The following ZC3H12B variants were observed in gnomAD, a reference collection of about 807,000 sequenced individuals.
ZC3H12B encodes zinc finger CCCH-type containing 12B, also known as probable ribonuclease ZC3H12B.
In ZC3H12B, 7 loss-of-function variants were observed where a neutral mutation model predicts 43.9. The observed-to-expected ratio is 0.16, with a 90% confidence interval of 0.09 to 0.30. ZC3H12B has a LOEUF of 0.30. Among genes scored for constraint, ZC3H12B ranks in the 10% least tolerant of loss-of-function variants. ZC3H12B has a pLI of 1.00. For missense variants in ZC3H12B, 475 were observed against 670.2 expected (o/e 0.71, Z 3.22); for synonymous variants, 222 against 241.7 (o/e 0.92, Z 0.76).
Position 65,389,074 on chromosome X carries a change from C to T in ZC3H12B, n.296-9519C>T, listed in dbSNP as rs188732784. Among the ~76,000 whole-genome samples, 445 of 112,304 alleles carry T rather than the reference C, an allele frequency of 4.0e-3. 4 individuals are homozygous for T. The highest frequency in any genetic ancestry group is 0.014 in the African/African-American group (418 of 30,932). ...TGGGGTGTGCCTCCCAGTTAGGCTA[C>T]TTGGGGTTCAGGGACCAATTTGAGG... is the stretch of plus-strand genomic sequence containing the variant. On this transcript the variant is annotated intron_variant and non_coding_transcript_variant, in intron 2 of 5. Coordinates refer to the ZC3H12B transcript ENST00000617377.
the ZC3H12B span, among the ~76,000 whole-genome samples, chrX:65,247,133 G>T: frequency 1.8e-5 from 2 of 112,107 alleles, no homozygotes; most frequent in African/African-American, 6.5e-5. Context: ...AATCATATGA[G>T]AAAAAGCTCA....
chrX:65,256,660 C>G, the ZC3H12B span, among the ~76,000 whole-genome samples: 1 of 111,374 alleles, frequency 9.0e-6, no homozygotes, highest in Non-Finnish European at 1.9e-5. Context: ...AACCCCCAAG[C>G]TAGCAGAAGA....
chrX:65,466,417 A>T lies in ZC3H12B; in HGVS notation n.408-22229A>T, dbSNP rs1328194314. 2.4e-4 allele frequency among the ~76,000 whole-genome samples: 26 copies of T among 110,229 alleles called. No individual in the cohort carries two copies. In the Admixed American group the frequency reaches 2.6e-3, roughly 11 times the overall value. On this transcript the variant is annotated intron_variant and non_coding_transcript_variant, in intron 3 of 5. Coordinates refer to the ZC3H12B transcript ENST00000617377. ...CATTATCTATATATATCATATTATT[A>T]TTATTAGATAGATAAATAGACAGAT... is the stretch of plus-strand genomic sequence containing the variant.
the ZC3H12B span, among the ~76,000 whole-genome samples, chrX:65,109,898 T>C: frequency 8.1e-5 from 9 of 111,774 alleles, no homozygotes; most frequent in East Asian, 2.3e-3. Context: ...CTAGTGGGCA[T>C]GAAGTGTATC....
At chrX:65,116,400 G>A in the ZC3H12B span, among the ~76,000 whole-genome samples, 1 of 110,813 alleles carries the variant, frequency 9.0e-6, no homozygotes, top group East Asian at 2.9e-4. Context: ...CTGTTCCATT[G>A]GTCTATGTGC....
the ZC3H12B span, among the ~76,000 whole-genome samples, chrX:65,268,699 TC>T: frequency 2.7e-5 from 3 of 112,094 alleles, no homozygotes; most frequent in African/African-American, 9.7e-5. Flanking sequence ...AAATTCAGCA[TC>T]CTTTCTTGAT....
At chrX:65,213,809 T>G in the ZC3H12B span, among the ~76,000 whole-genome samples, 1 of 109,481 alleles carries the variant, frequency 9.1e-6, no homozygotes, top group Non-Finnish European at 1.9e-5. Context: ...CTTAGGGATA[T>G]TGCAGGTTTG....
the ZC3H12B span, among the ~76,000 whole-genome samples, chrX:65,273,355 CA>C: frequency 9.1e-6 from 1 of 109,873 alleles, no homozygotes; most frequent in Non-Finnish European, 1.9e-5. Flanking sequence ...CTAGATCAAA[CA>C]GAAGAAATGC....
At chrX:65,162,673 T>C in the ZC3H12B span, among the ~76,000 whole-genome samples, 1 of 111,748 alleles carries the variant, frequency 8.9e-6, no homozygotes, top group Non-Finnish European at 1.9e-5. Flanking sequence ...TTCGTCTAAA[T>C]TTTTTTCAAA....
At chrX:65,329,571 A>G in the ZC3H12B span, among the ~76,000 whole-genome samples, 2 of 105,234 alleles carry the variant, frequency 1.9e-5, no homozygotes, top group Non-Finnish European at 1.9e-5. Context: ...TCATTTGTCA[A>G]TTTTGTCTTT....
At chrX:65,368,904 G>A (rs1050511532) in exon 2 of ZC3H12B, 2 of 112,113 alleles carry the variant, frequency 1.8e-5, no homozygotes, top group Admixed American at 1.9e-4. Flanking sequence ...AGTCACAAAA[G>A]TAAAAAATAC....
intron 3 of ZC3H12B, among the ~76,000 whole-genome samples, chrX:65,414,770 T>A (rs1039679934): frequency 2.7e-5 from 3 of 112,170 alleles, no homozygotes; most frequent in African/African-American, 9.7e-5. Context: ...AGAGATGGAA[T>A]CAGATAGATC....
At chrX:65,096,539 A>C in the ZC3H12B span, among the ~76,000 whole-genome samples, 1 of 111,852 alleles carries the variant, frequency 8.9e-6, no homozygotes, top group Non-Finnish European at 1.9e-5. Context: ...CTGTTAATAG[A>C]CTGGGTATTG....
chrX:65,237,287 C>G, the ZC3H12B span, among the ~76,000 whole-genome samples: 1 of 110,972 alleles, frequency 9.0e-6, no homozygotes, highest in African/African-American at 3.3e-5. Flanking sequence ...CTTCACCTCC[C>G]CTGTTAGCTG....
chrX:65,187,330 G>A, the ZC3H12B span: 4 of 108,776 alleles, frequency 3.7e-5, no homozygotes, highest in Admixed American at 3.0e-4. Flanking sequence ...ATGGGTAAAA[G>A]GGTCAAGGCT....
chrX:65,209,463 T>C, the ZC3H12B span, among the ~76,000 whole-genome samples: 3 of 91,564 alleles, frequency 3.3e-5, no homozygotes, highest in African/African-American at 1.2e-4. Context: ...GAGCAGGTTG[T>C]TCAGTTTCCA....
the ZC3H12B span, among the ~76,000 whole-genome samples, chrX:65,253,152 G>A: frequency 2.6e-4 from 29 of 111,829 alleles, no homozygotes; most frequent in Non-Finnish European, 3.8e-4. Context: ...CCAGGACATC[G>A]GGAAGGCTCG....
chrX:65,170,750 T>C, the ZC3H12B span, among the ~76,000 whole-genome samples: 2 of 111,752 alleles, frequency 1.8e-5, no homozygotes, highest in Non-Finnish European at 3.8e-5. Flanking sequence ...CTCCTTTTTC[T>C]CTAAACTTCT....
the ZC3H12B span, among the ~76,000 whole-genome samples, chrX:65,117,551 A>G: frequency 9.0e-6 from 1 of 111,659 alleles, no homozygotes; most frequent in African/African-American, 3.3e-5. Flanking sequence ...CCTGAGCAGA[A>G]GCTCTTTAGT....
Sources: gnomAD v4.1 joint callset for allele counts (sites outside exome capture counted in the v4.1 genomes callset) on GRCh38, gnomAD v4.1.1 for gene constraint, MANE v1.5 for transcripts, NCBI Gene and HGNC (gene_info 2026-07-23, HGNC 2026-07-21) for gene names.